NALF1: variants seen among roughly 807,000 people sequenced by gnomAD.
NALF1 encodes family with sequence similarity 155 member A.
A neutral mutation model predicts 48.4 loss-of-function variants in NALF1; 3 were observed. The ratio of observed to expected loss-of-function variants is 0.06; its 90% CI spans 0.03 to 0.16. NALF1 has a LOEUF of 0.16. Ranked by LOEUF, NALF1 falls within the 10% of genes least tolerant of loss-of-function variation. The pLI is 1.00. For missense variants in NALF1, 526 were observed against 571.5 expected (o/e 0.92, Z 0.81); for synonymous variants, 262 against 245.7 (o/e 1.07, Z -0.62).
chr13:107,773,813 G>C (rs1447258176), intron 1 of NALF1, among the ~76,000 whole-genome samples: 1 of 151,632 alleles, frequency 6.6e-6, no homozygotes, highest in Non-Finnish European at 1.5e-5. Flanking sequence ...CACCAACATG[G>C]CACATGTATA....
rs188530424 is a variant in NALF1 at position 107,825,431 on chromosome 13, G to A, written c.915+40251C>T. Among the ~76,000 whole-genome samples the A allele has an allele frequency of 9.7e-4, 147 of 152,194 alleles. 4 individuals carry two copies. The highest frequency in any genetic ancestry group is 8.0e-3 in the Admixed American group (123 of 15,300). On this transcript the variant is annotated intron_variant, in intron 1 of 2. Coordinates refer to ENST00000375915, the MANE Select transcript of NALF1 (RefSeq NM_001080396.3). ...AAGTTGATGCTCATTCACTTTTAAA[G>A]AACGGATGCATAATCTGTCATCAGA...
intron 1 of NALF1, among the ~76,000 whole-genome samples, chr13:107,644,216 A>G (rs1383578712): frequency 2.0e-5 from 3 of 152,068 alleles, no homozygotes; most frequent in African/African-American, 7.2e-5. Flanking sequence ...AAAATACAGA[A>G]CGCCAAGGTG....
chr13:107,598,758 A>G (rs893383208), intron 1 of NALF1, among the ~76,000 whole-genome samples: 8 of 152,118 alleles, frequency 5.3e-5, no homozygotes, highest in African/African-American at 1.9e-4. Context: ...GTCTCTGATC[A>G]GCATCATTTT....
intron 1 of NALF1, among the ~76,000 whole-genome samples, chr13:107,750,232 A>C (rs1876898893): frequency 6.6e-6 from 1 of 151,906 alleles, no homozygotes; most frequent in Non-Finnish European, 1.5e-5. Context: ...TGTCCCCTGC[A>C]CCTCTGGAGA....
At chr13:107,845,377 G>A (rs1880144138) in intron 1 of NALF1, among the ~76,000 whole-genome samples, 1 of 152,142 alleles carries the variant, frequency 6.6e-6, no homozygotes, top group Non-Finnish European at 1.5e-5. Flanking sequence ...GCTGTGGAAT[G>A]AGTCTACCTG....
intron 1 of NALF1, among the ~76,000 whole-genome samples, chr13:107,768,025 A>G (rs1877465240): frequency 6.6e-6 from 1 of 152,146 alleles, no homozygotes; most frequent in Non-Finnish European, 1.5e-5. Flanking sequence ...GGGAGAACAG[A>G]GCTGGGTTTA....
intron 1 of NALF1, among the ~76,000 whole-genome samples, chr13:107,310,605 G>C (rs1196252091): frequency 6.6e-6 from 1 of 151,628 alleles, no homozygotes; most frequent in Non-Finnish European, 1.5e-5. Flanking sequence ...ACAAAATCCT[G>C]GTTTTCTTTG....
intron 1 of NALF1, among the ~76,000 whole-genome samples, chr13:107,285,592 T>C (rs1386587793): frequency 6.6e-6 from 1 of 152,218 alleles, no homozygotes; most frequent in African/African-American, 2.4e-5. Context: ...TGTGTATGTA[T>C]AGGTAATAGA....
At chr13:107,734,582 T>C (rs2138538702) in intron 1 of NALF1, among the ~76,000 whole-genome samples, 1 of 152,272 alleles carries the variant, frequency 6.6e-6, no homozygotes, top group Middle Eastern at 3.4e-3. Context: ...TGTGGCATAA[T>C]GGAAACAAGT....
chr13:107,720,231 G>T (rs1875941875), intron 1 of NALF1, among the ~76,000 whole-genome samples: 1 of 152,138 alleles, frequency 6.6e-6, no homozygotes, highest in African/African-American at 2.4e-5. Flanking sequence ...CGCATAGTTG[G>T]CTGGGCACGG....
intron 1 of NALF1, among the ~76,000 whole-genome samples, chr13:107,776,153 T>C (rs1239168081): frequency 2.0e-5 from 3 of 152,196 alleles, no homozygotes; most frequent in Non-Finnish European, 2.9e-5. Context: ...ATTTTTAAAA[T>C]CATTACTATC....
intron 2 of NALF1, among the ~76,000 whole-genome samples, chr13:107,192,683 C>T (rs1404831168): frequency 6.6e-6 from 1 of 152,154 alleles, no homozygotes; most frequent in African/African-American, 2.4e-5. Context: ...CTCAGGCCTT[C>T]CAAGAGGGTT....
chr13:107,592,734 G>A (rs908962228), intron 1 of NALF1, among the ~76,000 whole-genome samples: 2 of 151,686 alleles, frequency 1.3e-5, no homozygotes, highest in South Asian at 2.1e-4. Flanking sequence ...TAATTATCAA[G>A]GTCCAAACAG....
At chr13:107,555,439 ATTTT>A (rs34486058) in intron 1 of NALF1, among the ~76,000 whole-genome samples, 171 of 69,950 alleles carry the variant, frequency 2.4e-3, no homozygotes, top group African/African-American at 9.0e-3. Context: ...AGCCTGGCTA[ATTTT>A]TTTTTTTTTT....
chr13:107,777,994 C>G (rs9559154), intron 1 of NALF1, among the ~76,000 whole-genome samples: 20,615 of 152,202 alleles, frequency 0.14, 1,611 homozygotes, highest in Admixed American at 0.23. Flanking sequence ...AAATTCTCTG[C>G]TGATTCATTT....
intron 1 of NALF1, among the ~76,000 whole-genome samples, chr13:107,235,951 A>G (rs1880333398): frequency 3.3e-5 from 5 of 152,176 alleles, no homozygotes; most frequent in Non-Finnish European, 7.4e-5. Flanking sequence ...CATTTTCTTC[A>G]CTTGTAAACA....
rs1566498159 is a variant in NALF1 at position 107,828,638 on chromosome 13, CACACACACAA to C, written c.915+37034_915+37043del. Among the ~76,000 whole-genome samples, 4 of 149,930 alleles carry C rather than the reference CACACACACAA, an allele frequency of 2.7e-5. No homozygotes were observed. In the South Asian group the frequency reaches 8.4e-4, roughly 31 times the overall value. ...ACACACACACACACACACACACACACACACACACAAATCTCCCACAGCAACAAACATGATT... is the reference window on the plus strand; with the variant it reads ...ACACACACACACACACACACACACACATCTCCCACAGCAACAAACATGATT... On this transcript the variant is annotated intron_variant, in intron 1 of 2. Coordinates refer to ENST00000375915, the MANE Select transcript of NALF1 (RefSeq NM_001080396.3).
chr13:107,813,992 A>C (rs1879085539), intron 1 of NALF1, among the ~76,000 whole-genome samples: 2 of 152,180 alleles, frequency 1.3e-5, no homozygotes, highest in Non-Finnish European at 2.9e-5. Context: ...TGGCATGAGA[A>C]GATAATAGGG....
intron 1 of NALF1, among the ~76,000 whole-genome samples, chr13:107,544,427 G>T (rs1877080208): frequency 6.6e-6 from 1 of 152,060 alleles, no homozygotes; most frequent in Non-Finnish European, 1.5e-5. Flanking sequence ...TAAAAATAAA[G>T]AAAAACTGCA....
Sources: gnomAD v4.1 joint callset for allele counts (sites outside exome capture counted in the v4.1 genomes callset) on GRCh38, gnomAD v4.1.1 for gene constraint, MANE v1.5 for transcripts, NCBI Gene and HGNC (gene_info 2026-07-23, HGNC 2026-07-21) for gene names.